Variants in SLC25A13 observed in about 807,000 individuals in gnomAD.
The protein encoded by SLC25A13 is electrogenic aspartate/glutamate antiporter SLC25A13, mitochondrial.
In SLC25A13, 70 loss-of-function variants were observed where a neutral mutation model predicts 85.5. The ratio of observed to expected loss-of-function variants is 0.82; its 90% CI spans 0.68 to 1.00. The LOEUF is 1.00. Among genes scored for constraint, SLC25A13 ranks in the 50% least tolerant of loss-of-function variants. The pLI, the probability that SLC25A13 is intolerant of heterozygous loss-of-function variation, is 0.00. For synonymous variants in SLC25A13, 259 were observed against 288.7 expected (o/e 0.90, Z 1.04); for missense variants, 765 against 819.8 (o/e 0.93, Z 0.82).
intron 2 of SLC25A13, chr7:96,283,819 TAAAA>T (rs1224658803): frequency 2.5e-4 from 20 of 80,924 alleles, no homozygotes; most frequent in Middle Eastern, 9.1e-3. Flanking sequence ...AATAGGTGTT[TAAAA>T]AAAAAAAAAA....
chr7:96,268,143 C>A (rs1798105408), intron 3 of SLC25A13, among the ~76,000 whole-genome samples: 1 of 152,136 alleles, frequency 6.6e-6, no homozygotes, highest in Admixed American at 6.5e-5. Flanking sequence ...TTATTCTAGT[C>A]CCATGTGGTC....
chr7:96,159,844 C>T lies in SLC25A13; in HGVS notation c.1311+10201G>A, dbSNP rs554592580. 4.6e-5 allele frequency among the ~76,000 whole-genome samples: 7 copies of T among 152,258 alleles called. No homozygotes were observed. The South Asian group carries it at 1.5e-3, about 32-fold the overall frequency. On this transcript the variant is annotated intron_variant, in intron 13 of 17. Coordinates refer to ENST00000265631, the MANE Select transcript of SLC25A13 (RefSeq NM_014251.3). ...AACTGAAATATCCTAGTCCTAATTT[C>T]TTAACCACACGGTAAGGCAGAAAAA...
At chr7:96,230,756 A>C (rs1258769629) in intron 4 of SLC25A13, among the ~76,000 whole-genome samples, 1 of 152,242 alleles carries the variant, frequency 6.6e-6, no homozygotes, top group Non-Finnish European at 1.5e-5. Flanking sequence ...CATATGCAGA[A>C]GACTGAAACT....
intron 9 of SLC25A13, 50 bp from the exon 10 acceptor site, chr7:96,185,061 A>G (rs745869086): frequency 1.3e-6 from 2 of 1,496,530 alleles, no homozygotes; most frequent in Non-Finnish European, 1.8e-6. Context: ...GTGACAGAAA[A>G]GAAGATAAAA....
At chr7:96,307,241 G>A (rs1799780172) in intron 1 of SLC25A13, among the ~76,000 whole-genome samples, 1 of 151,920 alleles carries the variant, frequency 6.6e-6, no homozygotes, top group Admixed American at 6.6e-5. Context: ...AGACAATACG[G>A]GAAATGTGTA....
intron 6 of SLC25A13, among the ~76,000 whole-genome samples, chr7:96,191,528 T>C (rs1794853163): frequency 6.6e-6 from 1 of 152,172 alleles, no homozygotes; most frequent in Non-Finnish European, 1.5e-5. Flanking sequence ...TAATTTAGAG[T>C]TCAAATTTCA....
intron 3 of SLC25A13, among the ~76,000 whole-genome samples, chr7:96,241,833 A>C (rs760600863): frequency 5.9e-5 from 9 of 152,124 alleles, no homozygotes; most frequent in Non-Finnish European, 1.2e-4. Flanking sequence ...AAAAGAAACA[A>C]AGGATCTGAA....
chr7:96,201,311 A>G (rs1795246295), intron 5 of SLC25A13, among the ~76,000 whole-genome samples: 1 of 152,024 alleles, frequency 6.6e-6, no homozygotes, highest in African/African-American at 2.4e-5. Context: ...GGAGTTCAAG[A>G]CCAGTCTGAC....
intron 3 of SLC25A13, among the ~76,000 whole-genome samples, chr7:96,239,205 T>C (rs988607620): frequency 3.3e-5 from 5 of 149,720 alleles, no homozygotes; most frequent in African/African-American, 1.2e-4. Flanking sequence ...TAGATATGAG[T>C]ATTATACATC....
At chr7:96,154,476 T>C (rs1281556793) in intron 13 of SLC25A13, among the ~76,000 whole-genome samples, 1 of 152,170 alleles carries the variant, frequency 6.6e-6, no homozygotes, top group Non-Finnish European at 1.5e-5. Context: ...TTTGTATTTT[T>C]AGCAGAGACA....
rs140089247 is a variant in SLC25A13, at chr7:96,212,060, A to C, written c.329-3083T>G. On this transcript the variant is annotated intron_variant, in intron 4 of 17. Coordinates refer to ENST00000265631, the MANE Select transcript of SLC25A13 (RefSeq NM_014251.3). Reference sequence around the variant, plus strand: ...GAGGTAGAGAAGACTCTCCAGACCAAGCAGTGTAATGCAGGAATGTGTAAA... The same window carrying C: ...GAGGTAGAGAAGACTCTCCAGACCACGCAGTGTAATGCAGGAATGTGTAAA... Among the ~76,000 whole-genome samples, 7 of 150,368 alleles carry C rather than the reference A, an allele frequency of 4.7e-5. No homozygotes were observed. The East Asian group carries it at 1.2e-3, about 26-fold the overall frequency.
intron 2 of SLC25A13, among the ~76,000 whole-genome samples, chr7:96,280,370 G>C (rs925448466): frequency 5.3e-5 from 8 of 151,984 alleles, no homozygotes; most frequent in African/African-American, 1.7e-4. Context: ...ATGACCTTTA[G>C]AATCATTATC....
intron 3 of SLC25A13, among the ~76,000 whole-genome samples, chr7:96,259,574 G>A (rs1797767278): frequency 6.6e-6 from 1 of 152,214 alleles, no homozygotes; most frequent in African/African-American, 2.4e-5. Flanking sequence ...TGGAGAGGAT[G>A]TGGAGAAATA....
chr7:96,123,179 C>T (rs1273528179), intron 15 of SLC25A13, among the ~76,000 whole-genome samples: 1 of 152,156 alleles, frequency 6.6e-6, no homozygotes, highest in Non-Finnish European at 1.5e-5. Context: ...GCAAAAAGCT[C>T]ACTTTATATC....
intron 1 of SLC25A13, among the ~76,000 whole-genome samples, chr7:96,315,873 T>C (rs1422114938): frequency 2.0e-5 from 3 of 151,882 alleles, no homozygotes; most frequent in Admixed American, 6.6e-5. Context: ...GAGGGTTTTA[T>C]GATGGGTGAA....
intron 5 of SLC25A13, among the ~76,000 whole-genome samples, chr7:96,204,421 T>C (rs1795380822): frequency 6.6e-6 from 1 of 152,102 alleles, no homozygotes; most frequent in Non-Finnish European, 1.5e-5. Context: ...ATGCCTGTAA[T>C]CCCAGCACTT....
At chr7:96,248,462 G>C (rs1797289585) in intron 3 of SLC25A13, among the ~76,000 whole-genome samples, 2 of 152,122 alleles carry the variant, frequency 1.3e-5, no homozygotes, top group African/African-American at 4.8e-5. Flanking sequence ...TGGGGAATGA[G>C]ATTCCAGATA....
chr7:96,212,877 C>T (rs1037616742), intron 4 of SLC25A13, among the ~76,000 whole-genome samples: 28 of 152,232 alleles, frequency 1.8e-4, no homozygotes, highest in Admixed American at 1.6e-3. Context: ...ATAATTTCTA[C>T]GAAATTTACT....
intron 4 of SLC25A13, among the ~76,000 whole-genome samples, chr7:96,220,605 T>C (rs1390548748): frequency 1.3e-5 from 2 of 152,212 alleles, no homozygotes; most frequent in African/African-American, 4.8e-5. Flanking sequence ...AGAAGAAGAA[T>C]GGTATAATTT....
Sources: gnomAD v4.1 joint callset for allele counts (sites outside exome capture counted in the v4.1 genomes callset) on GRCh38, gnomAD v4.1.1 for gene constraint, MANE v1.5 for transcripts, NCBI Gene and HGNC (gene_info 2026-07-23, HGNC 2026-07-21) for gene names.